TTLL5: variants seen among roughly 807,000 people sequenced by gnomAD.
TTLL5 encodes tubulin polyglutamylase TTLL5.
Under a neutral mutation model 168.4 loss-of-function variants are expected in TTLL5, and 132 were observed. That is an observed-to-expected ratio of 0.78 (90% CI 0.68 to 0.91). The LOEUF (loss-of-function observed/expected upper bound fraction) is 0.91. Among genes scored for constraint, TTLL5 ranks in the 40% least tolerant of loss-of-function variants. TTLL5 has a pLI of 0.00. For missense variants in TTLL5, 1,545 were observed against 1,581.5 expected (o/e 0.98, Z 0.39); for synonymous variants, 546 against 558.6 (o/e 0.98, Z 0.32).
At chr14:75,791,515 A>G (rs932043076) in intron 26 of TTLL5, among the ~76,000 whole-genome samples, 2 of 152,170 alleles carry the variant, frequency 1.3e-5, no homozygotes, top group African/African-American at 4.8e-5. Flanking sequence ...TTGTTTGTAT[A>G]TGCATATACA....
chr14:75,927,137 G>A (rs1385422960), intron 31 of TTLL5, among the ~76,000 whole-genome samples: 2 of 152,176 alleles, frequency 1.3e-5, no homozygotes, highest in Non-Finnish European at 2.9e-5. Context: ...CATAGTAGGT[G>A]TATGTGTTTA....
At chr14:75,689,635 T>G (rs1164702994) in intron 5 of TTLL5, 2 of 152,772 alleles carry the variant, frequency 1.3e-5, no homozygotes, top group African/African-American at 4.8e-5. Flanking sequence ...ATCTATACAG[T>G]GGATTACTAC....
intron 27 of TTLL5, among the ~76,000 whole-genome samples, chr14:75,809,647 C>T (rs1893875871): frequency 6.6e-6 from 1 of 152,160 alleles, no homozygotes; most frequent in African/African-American, 2.4e-5. Context: ...TCCTACTATA[C>T]TTTCGAATAC....
At chr14:75,847,503 ATG>A (rs1167613228) in intron 28 of TTLL5, among the ~76,000 whole-genome samples, 1 of 145,190 alleles carries the variant, frequency 6.9e-6, no homozygotes, top group African/African-American at 2.5e-5. Flanking sequence ...ACCTTAACTT[ATG>A]TACCTTAATT....
intron 2 of TTLL5, among the ~76,000 whole-genome samples, chr14:75,663,700 A>G (rs1198004794): frequency 6.6e-6 from 1 of 152,234 alleles, no homozygotes; most frequent in South Asian, 2.1e-4. Context: ...TTAGAGTTCT[A>G]TAGCCTGTGT....
At chr14:75,898,665 T>C (rs2032783961) in intron 30 of TTLL5, among the ~76,000 whole-genome samples, 1 of 152,004 alleles carries the variant, frequency 6.6e-6, no homozygotes, top group Admixed American at 6.6e-5. Context: ...TAAAAATACA[T>C]AGTTTATACA....
At chr14:75,698,475 T>TAGATTATAAGAAC (rs1886022252) in intron 6 of TTLL5, among the ~76,000 whole-genome samples, 1 of 152,214 alleles carries the variant, frequency 6.6e-6, no homozygotes, top group Non-Finnish European at 1.5e-5. Context: ...AGATTTTGGC[T>TAGATTATAAGAAC]TACATTGACA....
intron 28 of TTLL5, among the ~76,000 whole-genome samples, chr14:75,845,787 C>T (rs1235895841): frequency 2.0e-5 from 3 of 152,224 alleles, no homozygotes; most frequent in African/African-American, 7.2e-5. Flanking sequence ...TGTGAAAGCT[C>T]ATGTTCTTTC....
intron 7 of TTLL5, 76 bp from the exon 8 acceptor site, chr14:75,706,942 A>T: frequency 7.8e-7 from 1 of 1,275,764 alleles, no homozygotes; most frequent in Non-Finnish European, 1.1e-6. Context: ...TTTAAAGGTT[A>T]AGAACTTTGC....
chr14:75,938,861 A>T (rs1220112362), intron 31 of TTLL5, among the ~76,000 whole-genome samples: 1 of 152,168 alleles, frequency 6.6e-6, no homozygotes, highest in Non-Finnish European at 1.5e-5. Context: ...GAAACAATAT[A>T]CACTGGCCAC....
chr14:75,836,460 G>C (rs570779025), intron 28 of TTLL5, among the ~76,000 whole-genome samples: 24 of 152,096 alleles, frequency 1.6e-4, no homozygotes, highest in African/African-American at 2.2e-4. Flanking sequence ...AAAAAAAATA[G>C]AATGAGTAAG....
At chr14:75,772,948 T>C (rs1316732655) in intron 21 of TTLL5, among the ~76,000 whole-genome samples, 1 of 152,172 alleles carries the variant, frequency 6.6e-6, no homozygotes, top group Non-Finnish European at 1.5e-5. Flanking sequence ...ATTATAGGTA[T>C]GAGCCAGCGC....
intron 28 of TTLL5, among the ~76,000 whole-genome samples, chr14:75,826,084 G>A (rs1895113109): frequency 6.6e-6 from 1 of 152,048 alleles, no homozygotes; most frequent in Admixed American, 6.6e-5. Flanking sequence ...GTCATACCAG[G>A]GCCTAGGTAG....
rs773980581 is a variant in TTLL5, at chr14:75,735,177, T to C, written c.1187-18T>C. The stretch of plus-strand genomic sequence containing the variant: ...CTTAGAAAATGGCAGGTTTTAATGT[T>C]GCCCATTCCCCATTCAGGATTTGTG... On this transcript the variant is annotated intron_variant, in intron 14 of 31. Transcript: ENST00000298832. 3 of 1,613,360 alleles carry C rather than the reference T, an allele frequency of 1.9e-6. No homozygotes were observed. The Admixed American group carries it at 5.0e-5, about 27-fold the overall frequency.
chr14:75,747,120 T>C (rs1440823832), intron 17 of TTLL5, among the ~76,000 whole-genome samples: 1 of 152,166 alleles, frequency 6.6e-6, no homozygotes, highest in Non-Finnish European at 1.5e-5. Flanking sequence ...TTTCAGACTT[T>C]TTTTTTCTTG....
chr14:75,901,056 G>T (rs749463964), intron 30 of TTLL5, among the ~76,000 whole-genome samples: 7 of 152,196 alleles, frequency 4.6e-5, no homozygotes, highest in Non-Finnish European at 7.3e-5. Context: ...AACTGAGCAT[G>T]TTGAAAGCTT....
chr14:75,889,761 T>C (rs1270559053), intron 30 of TTLL5, among the ~76,000 whole-genome samples: 2 of 144,732 alleles, frequency 1.4e-5, no homozygotes, highest in African/African-American at 5.2e-5. Context: ...GCCTGGGATG[T>C]GGAGGTTGCA....
intron 30 of TTLL5, 125 bp from the exon 31 acceptor site, chr14:75,902,017 G>C: frequency 1.3e-6 from 1 of 767,352 alleles, no homozygotes; most frequent in Middle Eastern, 3.0e-4. Flanking sequence ...ACAAAGCCTT[G>C]AAGGAAGTGA....
chr14:75,826,703 GTT>G (rs1476328842), intron 28 of TTLL5, among the ~76,000 whole-genome samples: 2 of 152,126 alleles, frequency 1.3e-5, no homozygotes, highest in African/African-American at 4.8e-5. Context: ...TTATAATTTA[GTT>G]TAATTCTCCT....
Sources: gnomAD v4.1 joint callset for allele counts (sites outside exome capture counted in the v4.1 genomes callset) on GRCh38, gnomAD v4.1.1 for gene constraint, MANE v1.5 for transcripts, NCBI Gene and HGNC (gene_info 2026-07-23, HGNC 2026-07-21) for gene names.